Variants in MEIS2 observed in about 807,000 individuals in gnomAD.
MEIS2 encodes the protein homeobox protein Meis2.
Under a neutral mutation model 58.6 loss-of-function variants are expected in MEIS2, and 9 were observed. The observed-to-expected ratio is 0.15, with a 90% CI of 0.09 to 0.27. The LOEUF (loss-of-function observed/expected upper bound fraction) is 0.27. MEIS2 is among the 10% of genes least tolerant of loss of function. The pLI, the probability that MEIS2 is intolerant of heterozygous loss-of-function variation, is 1.00. For synonymous variants in MEIS2, 221 were observed against 228.4 expected (o/e 0.97, Z 0.29); for missense variants, 427 against 635.0 (o/e 0.67, Z 3.52).
At chr15:37,076,367 G>C (rs1437014812) in intron 7 of MEIS2, among the ~76,000 whole-genome samples, 1 of 152,028 alleles carries the variant, frequency 6.6e-6, no homozygotes, top group South Asian at 2.1e-4. Context: ...GCACCATAAG[G>C]CTGTGTTTGG....
intron 9 of MEIS2, among the ~76,000 whole-genome samples, chr15:36,925,587 T>G (rs1028175160): frequency 2.0e-5 from 3 of 152,208 alleles, no homozygotes; most frequent in African/African-American, 7.2e-5. Context: ...TCGAGTACAG[T>G]CTGTGCAGTA....
At chr15:37,099,429 G>C (rs1157501575) in intron 1 of MEIS2, 26 bp downstream of exon 1, 1 of 1,614,110 alleles carries the variant, frequency 6.2e-7, no homozygotes, top group South Asian at 1.1e-5. Flanking sequence ...TTTATATCTA[G>C]GTAAGTGTTG....
rs372526053 is a variant in MEIS2, at chr15:36,895,136, G to T, written c.1147+15C>A. ...ACTTCCCAGGGAAGCCCAGAGGCGGGATGAGCCAACCTACCTGCAGGCCGG... is the reference window on the plus strand; with the variant it reads ...ACTTCCCAGGGAAGCCCAGAGGCGGTATGAGCCAACCTACCTGCAGGCCGG... On this transcript the variant is annotated intron_variant, in intron 11 of 11. Coordinates refer to ENST00000561208, the MANE Select transcript of MEIS2 (RefSeq NM_170675.5). 457 of 1,609,704 alleles carry T rather than the reference G, an allele frequency of 2.8e-4. No individual in the cohort carries two copies. Among genetic ancestry groups the T allele is most frequent in the Non-Finnish European group, 3.8e-4 (451 of 1,177,352 alleles).
At chr15:37,021,503 A>G (rs1314180455) in intron 8 of MEIS2, among the ~76,000 whole-genome samples, 4 of 152,170 alleles carry the variant, frequency 2.6e-5, no homozygotes, top group Admixed American at 1.3e-4. Context: ...CTCATTTCCA[A>G]TGTTATCCAT....
intron 9 of MEIS2, among the ~76,000 whole-genome samples, chr15:36,925,731 G>T (rs2057721499): frequency 6.6e-6 from 1 of 152,114 alleles, no homozygotes; most frequent in Non-Finnish European, 1.5e-5. Flanking sequence ...TATAGACTTT[G>T]CATTTCATCC....
chr15:37,020,773 CT>C (rs1395616868), intron 8 of MEIS2, among the ~76,000 whole-genome samples: 1 of 151,518 alleles, frequency 6.6e-6, no homozygotes, highest in East Asian at 1.9e-4. Flanking sequence ...ACCCATAAAC[CT>C]TTGAACTTTT....
At chr15:36,958,291 A>T (rs2059060489) in intron 8 of MEIS2, among the ~76,000 whole-genome samples, 1 of 152,180 alleles carries the variant, frequency 6.6e-6, no homozygotes, top group African/African-American at 2.4e-5. Flanking sequence ...AGCCTGATGG[A>T]TTATCATCCA....
intron 8 of MEIS2, among the ~76,000 whole-genome samples, chr15:36,992,343 G>A (rs1380652042): frequency 1.3e-5 from 2 of 152,072 alleles, no homozygotes; most frequent in Admixed American, 6.5e-5. Context: ...AAGACTAAAT[G>A]TAATAGTGAC....
chr15:37,097,550 CAG>C lies in MEIS2; in HGVS notation c.245+415_245+416del, dbSNP rs1358970487. Reference sequence around the variant, plus strand: ...TGACTCCCAGACCCTCAGTAGGAAACAGAAGAAAAAAAAGTAAAAAATAAAAA... The same window carrying C: ...TGACTCCCAGACCCTCAGTAGGAAACAAGAAAAAAAAGTAAAAAATAAAAA... On this transcript the variant is annotated intron_variant, in intron 2 of 11. Transcript: ENST00000561208. 2.0e-5 allele frequency among the ~76,000 whole-genome samples: 3 copies of C among 152,014 alleles called. No homozygotes were observed. The East Asian group carries it at 5.8e-4, about 29-fold the overall frequency.
intron 7 of MEIS2, among the ~76,000 whole-genome samples, chr15:37,061,685 T>G (rs1377504020): frequency 4.6e-5 from 7 of 152,166 alleles, no homozygotes; most frequent in Non-Finnish European, 1.0e-4. Context: ...ACAAAATTAT[T>G]TCTTTGAAAT....
intron 6 of MEIS2, among the ~76,000 whole-genome samples, chr15:37,084,262 T>C (rs529737204): frequency 6.6e-6 from 1 of 152,312 alleles, no homozygotes; most frequent in Admixed American, 6.5e-5. Flanking sequence ...TTAGGGTACA[T>C]TCTACTAAGA....
At chr15:37,040,287 A>T (rs533949319) in intron 7 of MEIS2, among the ~76,000 whole-genome samples, 1 of 152,264 alleles carries the variant, frequency 6.6e-6, no homozygotes, top group Admixed American at 6.5e-5. Flanking sequence ...TGATTATGAG[A>T]AGATACCTCC....
At chr15:36,896,468 C>T (rs2056182956) in intron 10 of MEIS2, among the ~76,000 whole-genome samples, 160 bp downstream of exon 10, 2 of 151,892 alleles carry the variant, frequency 1.3e-5, no homozygotes, top group Admixed American at 6.6e-5. Context: ...GCACCACTTA[C>T]TGAAGTTGCT....
chr15:37,100,717 G>A (rs1266502127), upstream of MEIS2, among the ~76,000 whole-genome samples: 1 of 151,376 alleles, frequency 6.6e-6, no homozygotes, highest in Non-Finnish European at 1.5e-5. Context: ...GAGTGTGTGT[G>A]TATGTGTGTG....
chr15:37,098,416 GAGAGAGA>G lies in MEIS2; in HGVS notation c.13-224_13-218del, dbSNP rs1361887589. The G allele has an allele frequency of 3.5e-6, 4 of 1,153,570 alleles. No homozygotes were observed. In the African/African-American group the frequency reaches 6.4e-5, roughly 19 times the overall value. 71.5% of individuals were successfully genotyped at this position (1,153,570 alleles called of 1,614,324 possible). The stretch of plus-strand genomic sequence containing the variant: ...AGAGAGAGAGAGAGAGAGAGAGAGA[GAGAGAGA>G]GAAAATAAAAATAAAAACAAAGTCA... On this transcript the variant is annotated intron_variant, in intron 1 of 11. Coordinates refer to ENST00000561208, the MANE Select transcript of MEIS2 (RefSeq NM_170675.5).
intron 8 of MEIS2, among the ~76,000 whole-genome samples, chr15:36,998,543 A>G (rs768668783): frequency 2.6e-5 from 4 of 151,904 alleles, no homozygotes; most frequent in Non-Finnish European, 5.9e-5. Context: ...TTTCTTCCAA[A>G]TCATTCCATG....
chr15:37,030,786 A>G (rs189599601), intron 8 of MEIS2, among the ~76,000 whole-genome samples: 1 of 151,222 alleles, frequency 6.6e-6, no homozygotes, highest in Non-Finnish European at 1.5e-5. Flanking sequence ...GACCACAGGC[A>G]TGCACCACCA....
chr15:36,925,491 AT>A (rs11318257), intron 9 of MEIS2, among the ~76,000 whole-genome samples: 20,256 of 151,558 alleles, frequency 0.13, 1,409 homozygotes, highest in East Asian at 0.21. Context: ...ATATTTTTTC[AT>A]TTTTTTTTAT....
At chr15:36,944,547 T>C (rs1182998571) in intron 9 of MEIS2, among the ~76,000 whole-genome samples, 1 of 152,090 alleles carries the variant, frequency 6.6e-6, no homozygotes, top group African/African-American at 2.4e-5. Flanking sequence ...GCCACTGATT[T>C]TTCTGGCATA....
Sources: gnomAD v4.1 joint callset for allele counts (sites outside exome capture counted in the v4.1 genomes callset) on GRCh38, gnomAD v4.1.1 for gene constraint, MANE v1.5 for transcripts, NCBI Gene and HGNC (gene_info 2026-07-23, HGNC 2026-07-21) for gene names.